TCERG1L: variants seen among roughly 807,000 people sequenced by gnomAD.
TCERG1L encodes transcription elongation regulator 1-like protein.
Under a neutral mutation model 56.3 loss-of-function variants are expected in TCERG1L, and 37 were observed. The observed-to-expected ratio is 0.66, with a 90% CI of 0.51 to 0.87. TCERG1L has a LOEUF of 0.87. Among genes scored for constraint, TCERG1L ranks in the 40% least tolerant of loss-of-function variants. The pLI is 0.00. For synonymous variants in TCERG1L, 324 were observed against 326.3 expected, an observed-to-expected ratio of 0.99 and a Z score of 0.08; for missense variants, 799 against 774.2, an observed-to-expected ratio of 1.03 and a Z score of -0.38.
intron 10 of TCERG1L, 86 bp downstream of exon 10, chr10:131,104,179 A>T: frequency 1.1e-6 from 1 of 938,936 alleles, no homozygotes; most frequent in South Asian, 1.5e-5. Flanking sequence ...TCTGTTATTG[A>T]GCAATGAAAA....
At chr10:131,264,877 G>A (rs1451363907) in intron 3 of TCERG1L, among the ~76,000 whole-genome samples, 1 of 152,174 alleles carries the variant, frequency 6.6e-6, no homozygotes, top group Non-Finnish European at 1.5e-5. Flanking sequence ...TTTTGTTCAG[G>A]GCTCCCTGAC....
chr10:131,218,396 T>C lies in TCERG1L; in HGVS notation c.856+41863A>G, dbSNP rs147034984. 1.1e-4 allele frequency among the ~76,000 whole-genome samples: 16 copies of C among 152,350 alleles called. No individual in the cohort carries two copies. The East Asian group carries it at 3.1e-3, about 29-fold the overall frequency. On this transcript the variant is annotated intron_variant, in intron 4 of 11. Coordinates refer to ENST00000368642, the MANE Select transcript of TCERG1L (RefSeq NM_174937.4). ...CAGTGGGCCTGCAGTCCTTTCTGGCTTGGGTGGTGTGACCTCACTGCATGT... is the reference window on the plus strand; with the variant it reads ...CAGTGGGCCTGCAGTCCTTTCTGGCCTGGGTGGTGTGACCTCACTGCATGT...
intron 9 of TCERG1L, among the ~76,000 whole-genome samples, chr10:131,110,725 A>ACTTC (rs1845401967): frequency 6.6e-6 from 1 of 152,208 alleles, no homozygotes; most frequent in Admixed American, 6.5e-5. Flanking sequence ...GCTTCACCAA[A>ACTTC]AGCCTCTCTG....
chr10:131,167,826 C>T (rs1204532433), intron 4 of TCERG1L, among the ~76,000 whole-genome samples: 2 of 152,140 alleles, frequency 1.3e-5, no homozygotes, highest in East Asian at 1.9e-4. Flanking sequence ...TTTTTGTCTT[C>T]TCCAAAAATG....
intron 3 of TCERG1L, among the ~76,000 whole-genome samples, chr10:131,287,257 A>T (rs1385057253): frequency 6.6e-6 from 1 of 152,194 alleles, no homozygotes; most frequent in Admixed American, 6.5e-5. Flanking sequence ...GTTGTCATGG[A>T]ATTCTGACCT....
At chr10:131,175,158 C>G (rs1057215838) in intron 4 of TCERG1L, among the ~76,000 whole-genome samples, 47 of 107,930 alleles carry the variant, frequency 4.4e-4, no homozygotes, top group African/African-American at 1.6e-3. Flanking sequence ...CTCTGCTTCT[C>G]TGATGAAGGC....
chr10:131,144,594 A>G (rs535524463), intron 7 of TCERG1L, among the ~76,000 whole-genome samples: 1 of 152,242 alleles, frequency 6.6e-6, no homozygotes, highest in Non-Finnish European at 1.5e-5. Context: ...AAAAAAAAAA[A>G]GACTGGTTGA....
intron 4 of TCERG1L, among the ~76,000 whole-genome samples, chr10:131,244,172 C>A (rs559220246): frequency 1.1e-4 from 17 of 152,096 alleles, no homozygotes; most frequent in African/African-American, 3.9e-4. Flanking sequence ...AGAGGCTGCC[C>A]GTGGGGTGGA....
At chr10:131,244,188 G>A (rs544031137) in intron 4 of TCERG1L, among the ~76,000 whole-genome samples, 6 of 152,182 alleles carry the variant, frequency 3.9e-5, no homozygotes, top group Admixed American at 6.5e-5. Context: ...GTGGAGGCCC[G>A]GGGTCCTGGG....
intron 4 of TCERG1L, among the ~76,000 whole-genome samples, chr10:131,203,391 T>A (rs1845467471): frequency 6.6e-6 from 1 of 151,510 alleles, no homozygotes; most frequent in Non-Finnish European, 1.5e-5. Flanking sequence ...CACTGTTTAA[T>A]GAGGCTGATG....
chr10:131,194,771 A>G (rs143631941), intron 4 of TCERG1L, among the ~76,000 whole-genome samples: 5 of 152,366 alleles, frequency 3.3e-5, no homozygotes, highest in African/African-American at 2.4e-5. Flanking sequence ...CATCAGCCGA[A>G]TAATCCATTT....
At chr10:131,111,712 C>T (rs10829905) in intron 9 of TCERG1L, among the ~76,000 whole-genome samples, 12,842 of 142,548 alleles carry the variant, frequency 0.09, 2,351 homozygotes, top group South Asian at 0.15. Context: ...GGACAGGCTG[C>T]GATTAGTTAT....
chr10:131,233,742 A>G (rs1589756614), intron 4 of TCERG1L, among the ~76,000 whole-genome samples: 1 of 152,312 alleles, frequency 6.6e-6, no homozygotes, highest in East Asian at 1.9e-4. Context: ...AACTCCTGCT[A>G]TGCTTCGGCT....
chr10:131,134,716 G>C (rs1013419753), intron 7 of TCERG1L, among the ~76,000 whole-genome samples: 3 of 152,174 alleles, frequency 2.0e-5, no homozygotes, highest in Non-Finnish European at 4.4e-5. Context: ...AGAGGGGCTG[G>C]GGGGTGGAGA....
intron 3 of TCERG1L, among the ~76,000 whole-genome samples, chr10:131,274,269 C>T (rs1028518339): frequency 1.3e-5 from 2 of 152,204 alleles, no homozygotes; most frequent in African/African-American, 4.8e-5. Flanking sequence ...AAGCAGAACG[C>T]AGCCTTTGGG....
intron 6 of TCERG1L, among the ~76,000 whole-genome samples, chr10:131,152,252 G>C (rs983458674): frequency 6.6e-6 from 1 of 152,110 alleles, no homozygotes; most frequent in Non-Finnish European, 1.5e-5. Context: ...TCCTCCTCTT[G>C]AATCCTTTGC....
Position 131,216,495 on chromosome 10 carries a change from ATAG to A in TCERG1L, c.856+43761_856+43763del, listed in dbSNP as rs1241762810. 2.0e-5 allele frequency among the ~76,000 whole-genome samples: 3 copies of A among 152,176 alleles called. No individual in the cohort carries two copies. The East Asian group carries it at 5.8e-4, about 29-fold the overall frequency. On this transcript the variant is annotated intron_variant, in intron 4 of 11. Transcript: ENST00000368642. ...GGGATAGACCTGCTTTGGAAACTCTATAGTAGATTTTAACATCTCATCCTTACG... is the reference window on the plus strand; with the variant it reads ...GGGATAGACCTGCTTTGGAAACTCTATAGATTTTAACATCTCATCCTTACG...
intron 6 of TCERG1L, among the ~76,000 whole-genome samples, chr10:131,150,005 T>C (rs1845845954): frequency 6.6e-6 from 1 of 152,208 alleles, no homozygotes; most frequent in Non-Finnish European, 1.5e-5. Flanking sequence ...ACAGTATTGC[T>C]TGGGATGTTT....
At chr10:131,177,231 C>G (rs905337095) in intron 4 of TCERG1L, among the ~76,000 whole-genome samples, 18 of 101,976 alleles carry the variant, frequency 1.8e-4, no homozygotes, top group African/African-American at 6.2e-4. Flanking sequence ...TATGAAGACA[C>G]ACACATGTAC....
Sources: gnomAD v4.1 joint callset for allele counts (sites outside exome capture counted in the v4.1 genomes callset) on GRCh38, gnomAD v4.1.1 for gene constraint, MANE v1.5 for transcripts, NCBI Gene and HGNC (gene_info 2026-07-23, HGNC 2026-07-21) for gene names.